The following AFG2A variants were observed in gnomAD, a reference collection of about 807,000 sequenced individuals.
AFG2A encodes ATPase family gene 2 protein homolog A.
the AFG2A span, among the ~76,000 whole-genome samples, chr4:123,122,070 T>C: frequency 3.3e-5 from 5 of 152,284 alleles, no homozygotes; most frequent in Admixed American, 2.0e-4. Context: ...ATTTGTTGTT[T>C]TGCTGCCTCA....
At chr4:123,242,276 A>C in the AFG2A span, among the ~76,000 whole-genome samples, 1 of 152,218 alleles carries the variant, frequency 6.6e-6, no homozygotes. Context: ...ATTCATATGA[A>C]ACCAAAAAGG....
chr4:123,027,468 C>T, the AFG2A span, among the ~76,000 whole-genome samples: 1 of 152,260 alleles, frequency 6.6e-6, no homozygotes, highest in African/African-American at 2.4e-5. Flanking sequence ...TTACGTTTGT[C>T]TTCCAGCTAG....
chr4:123,003,169 C>T, the AFG2A span, among the ~76,000 whole-genome samples: 1 of 152,162 alleles, frequency 6.6e-6, no homozygotes, highest in Non-Finnish European at 1.5e-5. Context: ...CTCCTTTAAG[C>T]ACTTCTCTAT....
the AFG2A span, among the ~76,000 whole-genome samples, chr4:123,158,630 G>C: frequency 6.6e-6 from 1 of 152,054 alleles, no homozygotes; most frequent in Non-Finnish European, 1.5e-5. Flanking sequence ...TACATAGGCA[G>C]TATATAAACA....
chr4:123,264,188 A>T, the AFG2A span, among the ~76,000 whole-genome samples: 2 of 152,164 alleles, frequency 1.3e-5, no homozygotes, highest in African/African-American at 2.4e-5. Context: ...AGAATGATAC[A>T]GTGGACTCTG....
chr4:123,148,048 T>C, the AFG2A span, among the ~76,000 whole-genome samples: 3 of 152,214 alleles, frequency 2.0e-5, no homozygotes, highest in Non-Finnish European at 4.4e-5. Flanking sequence ...GTGTAAAATT[T>C]CTCAAAGATA....
At chr4:123,114,322 G>A in the AFG2A span, among the ~76,000 whole-genome samples, 1 of 152,114 alleles carries the variant, frequency 6.6e-6, no homozygotes, top group Non-Finnish European at 1.5e-5. Flanking sequence ...GCCTCACCAG[G>A]GACCTGCCCT....
the AFG2A span, among the ~76,000 whole-genome samples, chr4:123,261,378 G>T: frequency 6.6e-6 from 1 of 151,906 alleles, no homozygotes; most frequent in Non-Finnish European, 1.5e-5. Flanking sequence ...AACCAACTGG[G>T]AATAGAAAAT....
At chr4:123,106,261 A>G in the AFG2A span, among the ~76,000 whole-genome samples, 1 of 152,176 alleles carries the variant, frequency 6.6e-6, no homozygotes, top group African/African-American at 2.4e-5. Flanking sequence ...CCCCATACAT[A>G]TTGGTATTGC....
the AFG2A span, among the ~76,000 whole-genome samples, chr4:123,162,651 A>G: frequency 2.6e-5 from 4 of 152,198 alleles, no homozygotes; most frequent in Non-Finnish European, 5.9e-5. Context: ...TAGGTTACCT[A>G]TGTATAAATA....
chr4:123,044,507 T>G, the AFG2A span, among the ~76,000 whole-genome samples: 124,724 of 152,030 alleles, frequency 0.82, 52,682 homozygotes, highest in East Asian at 0.97. Flanking sequence ...TAAATTTGCT[T>G]CTTCTTGCTT....
chr4:123,023,196 A>G, the AFG2A span, among the ~76,000 whole-genome samples: 17 of 151,752 alleles, frequency 1.1e-4, no homozygotes, highest in Admixed American at 5.3e-4. Flanking sequence ...AATAATGATA[A>G]TAATAATAAT....
the AFG2A span, among the ~76,000 whole-genome samples, chr4:122,971,141 T>C: frequency 6.6e-6 from 1 of 152,198 alleles, no homozygotes; most frequent in Non-Finnish European, 1.5e-5. Context: ...GCACAGTGGC[T>C]TATACCTATA....
chr4:123,215,022 A>C, the AFG2A span, among the ~76,000 whole-genome samples: 2 of 152,088 alleles, frequency 1.3e-5, no homozygotes, highest in Non-Finnish European at 2.9e-5. Context: ...CTTTTTGTGC[A>C]TCAACTGTAA....
At chr4:122,967,299 C>T in the AFG2A span, among the ~76,000 whole-genome samples, 2 of 151,864 alleles carry the variant, frequency 1.3e-5, no homozygotes, top group Non-Finnish European at 2.9e-5. Context: ...ACTTGGGAGG[C>T]TGAAGTGGGA....
At chr4:123,091,734 A>C in the AFG2A span, among the ~76,000 whole-genome samples, 1 of 152,206 alleles carries the variant, frequency 6.6e-6, no homozygotes, top group Non-Finnish European at 1.5e-5. Context: ...CTTTTTCCCT[A>C]GGTCATAATT....
At chr4:123,148,808 G>A in the AFG2A span, among the ~76,000 whole-genome samples, 83 of 142,042 alleles carry the variant, frequency 5.8e-4, no homozygotes, top group African/African-American at 2.0e-3. Flanking sequence ...TCGCTCTGTC[G>A]ACCAGGCTGG....
chr4:123,120,065 A>G, the AFG2A span, among the ~76,000 whole-genome samples: 9 of 152,180 alleles, frequency 5.9e-5, no homozygotes, highest in African/African-American at 2.2e-4. Context: ...TTACAATTCA[A>G]GATGAGATTT....
At chr4:123,179,747 C>T in the AFG2A span, among the ~76,000 whole-genome samples, 1 of 152,192 alleles carries the variant, frequency 6.6e-6, no homozygotes, top group South Asian at 2.1e-4. Flanking sequence ...TACATGTACA[C>T]ACACATAATA....
Sources: gnomAD v4.1 joint callset for allele counts (sites outside exome capture counted in the v4.1 genomes callset) on GRCh38, gnomAD v4.1.1 for gene constraint, MANE v1.5 for transcripts, NCBI Gene and HGNC (gene_info 2026-07-23, HGNC 2026-07-21) for gene names.